Variants in DACH2 observed in about 807,000 individuals in gnomAD.
DACH2 encodes the protein dachshund homolog 2.
Under a neutral mutation model 35.8 loss-of-function variants are expected in DACH2, and 17 were observed. That is an observed-to-expected ratio of 0.48 (90% CI 0.33 to 0.71). DACH2 has a LOEUF of 0.71. DACH2 is among the 30% of genes least tolerant of loss of function. The probability of loss-of-function intolerance (pLI) is 0.02; values close to 1 mark genes in which losing one functional copy is unlikely to be tolerated. For synonymous variants in DACH2, 195 were observed against 177.3 expected (o/e 1.10, Z -0.79); for missense variants, 469 against 472.7 (o/e 0.99, Z 0.07).
chrX:86,700,881 C>T (rs2041134784), intron 5 of DACH2, among the ~76,000 whole-genome samples: 1 of 111,075 alleles, frequency 9.0e-6, no homozygotes, highest in Non-Finnish European at 1.9e-5. Context: ...CAAGAAAAGC[C>T]AGGGACTAAA....
Position 86,610,393 on chromosome X carries a change from CTTTCTTTCTTTCTTTCTTTCTTTCT to C in DACH2, c.641-40615_641-40591del, listed in dbSNP as rs1297828049. On this transcript the variant is annotated intron_variant, in intron 3 of 11. Transcript: ENST00000373125. ...TCTTTCTTTCTTTCTTTCTTTCTTT[CTTTCTTTCTTTCTTTCTTTCTTTCT>C]TTTCTTTCTTTCTTTCTTTCTTTCT... Among the ~76,000 whole-genome samples, 428 of 83,087 alleles carry C rather than the reference CTTTCTTTCTTTCTTTCTTTCTTTCT, an allele frequency of 5.2e-3. 3 individuals are homozygous for C. The highest frequency in any genetic ancestry group is 0.019 in the African/African-American group (363 of 19,099). The allele number at this position is 83,087 out of a possible 115,157, so 72.2% of individuals were successfully genotyped here.
intron 7 of DACH2, among the ~76,000 whole-genome samples, chrX:86,807,890 T>C (rs1343190551): frequency 1.8e-5 from 2 of 112,014 alleles, no homozygotes; most frequent in Non-Finnish European, 3.8e-5. Context: ...TAAGGAAAAT[T>C]GTTAAATATT....
intron 7 of DACH2, among the ~76,000 whole-genome samples, chrX:86,753,804 G>A (rs1386574292): frequency 9.0e-6 from 1 of 110,613 alleles, no homozygotes; most frequent in Non-Finnish European, 1.9e-5. Flanking sequence ...GAGCGCTACT[G>A]ACCTGAAGGT....
chrX:86,687,123 T>C (rs115755501), intron 4 of DACH2, among the ~76,000 whole-genome samples: 1 of 112,155 alleles, frequency 8.9e-6, no homozygotes, highest in African/African-American at 3.2e-5. Context: ...AATCCAGAAA[T>C]AAATTTGTTC....
At chrX:86,579,176 G>A (rs1379483405) in intron 3 of DACH2, among the ~76,000 whole-genome samples, 2 of 108,104 alleles carry the variant, frequency 1.9e-5, no homozygotes, top group African/African-American at 3.4e-5. Context: ...CACTGCAACC[G>A]CCGCCTCCCA....
chrX:86,404,182 A>G (rs778045566), intron 2 of DACH2, among the ~76,000 whole-genome samples: 32 of 110,432 alleles, frequency 2.9e-4, no homozygotes, highest in African/African-American at 9.6e-4. Context: ...GCCCCTCCCA[A>G]ATCTCATGTC....
At chrX:86,705,060 T>TAG (rs2041197880) in intron 5 of DACH2, among the ~76,000 whole-genome samples, 1 of 107,385 alleles carries the variant, frequency 9.3e-6, no homozygotes, top group African/African-American at 3.4e-5. Context: ...CATATATATA[T>TAG]ATATATCTCA....
intron 4 of DACH2, among the ~76,000 whole-genome samples, chrX:86,686,589 A>G (rs750621891): frequency 8.9e-6 from 1 of 111,778 alleles, no homozygotes; most frequent in African/African-American, 3.3e-5. Flanking sequence ...TAATACCAAG[A>G]TAAATATGAC....
At chrX:86,336,199 C>T (rs1452539995) in intron 1 of DACH2, among the ~76,000 whole-genome samples, 3 of 111,994 alleles carry the variant, frequency 2.7e-5, no homozygotes, top group Non-Finnish European at 3.8e-5. Context: ...GGGCTATTGG[C>T]CTGAAATTTT....
At chrX:86,303,568 A>G (rs1162794290) in intron 1 of DACH2, among the ~76,000 whole-genome samples, 2 of 110,920 alleles carry the variant, frequency 1.8e-5, no homozygotes, top group East Asian at 5.7e-4. Context: ...GGACTCAAGT[A>G]TCAGTTGGGA....
intron 4 of DACH2, among the ~76,000 whole-genome samples, chrX:86,651,685 G>T (rs2040480001): frequency 8.9e-6 from 1 of 111,906 alleles, no homozygotes; most frequent in African/African-American, 3.3e-5. Flanking sequence ...GAAAGGAAAA[G>T]AAAACAGAGG....
intron 2 of DACH2, among the ~76,000 whole-genome samples, chrX:86,427,413 T>A (rs781561826): frequency 4.1e-4 from 46 of 111,562 alleles, no homozygotes; most frequent in Non-Finnish European, 7.0e-4. Flanking sequence ...CTTTTTCTTA[T>A]CAGTGATTTA....
At chrX:86,639,021 A>G (rs767362302) in intron 3 of DACH2, among the ~76,000 whole-genome samples, 2 of 112,539 alleles carry the variant, frequency 1.8e-5, no homozygotes, top group East Asian at 2.8e-4. Flanking sequence ...ATGTCCATCA[A>G]TGAATGAGTG....
intron 2 of DACH2, among the ~76,000 whole-genome samples, chrX:86,410,956 T>C (rs776613288): frequency 2.3e-4 from 23 of 98,707 alleles, no homozygotes; most frequent in African/African-American, 8.2e-4. Context: ...ATATAGTATA[T>C]TGTGAAAGTA....
intron 1 of DACH2, among the ~76,000 whole-genome samples, chrX:86,163,157 T>C (rs2030823977): frequency 9.0e-6 from 1 of 111,320 alleles, no homozygotes; most frequent in African/African-American, 3.3e-5. Context: ...CTCTATTTTT[T>C]TTGTACCCAT....
At chrX:86,767,521 T>C (rs1251245541) in intron 7 of DACH2, among the ~76,000 whole-genome samples, 1 of 111,811 alleles carries the variant, frequency 8.9e-6, no homozygotes, top group African/African-American at 3.2e-5. Context: ...TGTATGCTTT[T>C]AGACATTTCT....
At chrX:86,641,276 C>G (rs2040343991) in intron 3 of DACH2, among the ~76,000 whole-genome samples, 1 of 111,900 alleles carries the variant, frequency 8.9e-6, no homozygotes, top group Non-Finnish European at 1.9e-5. Flanking sequence ...TCAGGCAGAG[C>G]TGAATAACAC....
At chrX:86,762,108 G>A (rs535715839) in intron 7 of DACH2, among the ~76,000 whole-genome samples, 4 of 111,230 alleles carry the variant, frequency 3.6e-5, no homozygotes, top group African/African-American at 1.3e-4. Context: ...TACTTTTAAA[G>A]GACTTTGTGT....
At chrX:86,326,512 C>CACATAT (rs1283321887) in intron 1 of DACH2, among the ~76,000 whole-genome samples, 1 of 102,885 alleles carries the variant, frequency 9.7e-6, no homozygotes, top group African/African-American at 3.5e-5. Flanking sequence ...CACACACACA[C>CACATAT]ATATATATAT....
Sources: allele counts gnomAD v4.1 joint callset (sites outside exome capture counted in the v4.1 genomes callset), GRCh38; gene constraint gnomAD v4.1.1; transcripts MANE v1.5; gene names NCBI Gene and HGNC (gene_info 2026-07-23, HGNC 2026-07-21).